The following KLHL12 variants were observed in gnomAD, a reference collection of about 807,000 sequenced individuals.
KLHL12 encodes kelch-like protein 12.
KLHL12 carries 17 observed loss-of-function variants against 60.8 expected under a neutral mutation model. The ratio of observed to expected loss-of-function variants is 0.28; its 90% CI spans 0.19 to 0.42. The LOEUF (loss-of-function observed/expected upper bound fraction) is 0.42, where lower values mean the gene tolerates loss of function less well. KLHL12 is among the 10% of genes least tolerant of loss of function. The pLI, the probability that KLHL12 is intolerant of heterozygous loss-of-function variation, is 1.00. For synonymous variants in KLHL12, 220 were observed against 250.9 expected, an observed-to-expected ratio of 0.88 and a Z score of 1.16; for missense variants, 468 against 722.3, an observed-to-expected ratio of 0.65 and a Z score of 4.04.
intron 1 of KLHL12, among the ~76,000 whole-genome samples, chr1:202,925,524 T>C (rs2102464311): frequency 6.6e-6 from 1 of 152,328 alleles, no homozygotes; most frequent in East Asian, 1.9e-4. Flanking sequence ...TTGTCTCAAA[T>C]GATAAACCGA....
At chr1:202,920,521 C>T (rs559347686) in intron 2 of KLHL12, among the ~76,000 whole-genome samples, 10 of 151,028 alleles carry the variant, frequency 6.6e-5, no homozygotes, top group African/African-American at 2.2e-4. Flanking sequence ...GGACTACAGG[C>T]GCCCGCCACC....
intron 6 of KLHL12, among the ~76,000 whole-genome samples, chr1:202,907,824 C>A (rs1274177530): frequency 6.6e-6 from 1 of 151,652 alleles, no homozygotes; most frequent in African/African-American, 2.4e-5. Context: ...GGGAAGACTG[C>A]TTGAGTCCAG....
intron 6 of KLHL12, among the ~76,000 whole-genome samples, chr1:202,902,847 C>T (rs1660052755): frequency 1.3e-5 from 2 of 152,018 alleles, no homozygotes; most frequent in African/African-American, 4.8e-5. Context: ...AAAAATTAGC[C>T]AGGTCTGGTG....
At chr1:202,894,090 T>C (rs1440222247) in intron 10 of KLHL12, 94 bp downstream of exon 10, 1 of 668,806 alleles carries the variant, frequency 1.5e-6, no homozygotes, top group African/African-American at 1.8e-5. Context: ...ATCTCATTTT[T>C]ACATTAATCT....
chr1:202,921,762 G>GA (rs975338672), intron 2 of KLHL12, among the ~76,000 whole-genome samples: 2 of 152,040 alleles, frequency 1.3e-5, no homozygotes, highest in African/African-American at 4.8e-5. Flanking sequence ...AATTTTACTA[G>GA]ATCTTAATCT....
intron 11 of KLHL12, 93 bp from the exon 12 acceptor site, chr1:202,892,752 G>C: frequency 4.3e-6 from 6 of 1,385,252 alleles, no homozygotes; most frequent in Non-Finnish European, 6.0e-6. Context: ...TGAGGTAAGA[G>C]GATTGCTTAA....
chr1:202,894,774 A>G (rs1659781257), intron 8 of KLHL12, 25 bp from the exon 9 acceptor site: 2 of 1,588,366 alleles, frequency 1.3e-6, no homozygotes, highest in African/African-American at 2.7e-5. Flanking sequence ...CAAATTACAG[A>G]CTATTAGAGA....
At chr1:202,919,665 C>T (rs563604446) in intron 3 of KLHL12, 90 bp downstream of exon 3, 2 of 1,275,024 alleles carry the variant, frequency 1.6e-6, no homozygotes, top group African/African-American at 1.5e-5. Flanking sequence ...AGTTTGTCTC[C>T]AAAATGTTCA....
At position 202,894,266 on chromosome 1, in the gene KLHL12, C is replaced by T. The variant is rs1322614414; in HGVS notation, c.1311G>A (p.Leu437=). 6.4e-7 allele frequency: 1 copy of T among 1,554,434 alleles called. No homozygotes were observed. Among genetic ancestry groups the T allele is most frequent in the Non-Finnish European group, 8.7e-7 (1 of 1,147,202 alleles). The part of the protein sequence containing the change: ...VIYCLGGYDG[L]NILNSVEKYD... Reference sequence around the variant, plus strand: ...ATTTCTCAACTGAATTTAAGATATTCAAGCCGTCATATCCTCCTGGAAGAC... The same window carrying T: ...ATTTCTCAACTGAATTTAAGATATTTAAGCCGTCATATCCTCCTGGAAGAC... The change falls in exon 10 of 12, where the codon TTG becomes TTA. Residue 437 remains leucine, a synonymous_variant. Transcript: ENST00000367261.
chr1:202,917,197 CT>C (rs1024465525), intron 4 of KLHL12, among the ~76,000 whole-genome samples: 2 of 152,262 alleles, frequency 1.3e-5, no homozygotes, highest in South Asian at 4.1e-4. Context: ...TAGTATCCCC[CT>C]GGTAGGTGAA....
upstream of KLHL12, chr1:202,927,374 G>A: frequency 1.5e-6 from 1 of 672,804 alleles, no homozygotes; most frequent in African/African-American, 2.0e-5. Context: ...ACGCTGCTAG[G>A]AAGCCGAATT....
intron 6 of KLHL12, among the ~76,000 whole-genome samples, chr1:202,897,228 CTTTTTTTTTTT>C (rs11305071): frequency 3.6e-5 from 3 of 82,262 alleles, no homozygotes; most frequent in African/African-American, 1.3e-4. Context: ...ATTTCTTTTT[CTTTTTTTTTTT>C]TTTTTTTTTT....
chr1:202,894,235 G>A lies in KLHL12; in HGVS notation c.1342C>T (p.Pro448Ser), dbSNP rs1332765368. The A allele has an allele frequency of 1.9e-6, 3 of 1,558,242 alleles. No homozygotes were observed. In the East Asian group the frequency reaches 7.1e-5, roughly 37 times the overall value. Reference protein sequence around the residue: ...NILNSVEKYDPHTGHWTNVTP... With the variant: ...NILNSVEKYDSHTGHWTNVTP... ...ACATTAGTCCAATGTCCTGTATGAG[G>A]GTCGTATTTCTCAACTGAATTTAAG... Residue 448 changes from proline to serine, a missense_variant, in exon 10 of 12, where the codon CCT becomes TCT. By Grantham distance (74) the Pro-to-Ser change is moderately conservative. Coordinates refer to ENST00000367261, the MANE Select transcript of KLHL12 (RefSeq NM_021633.4).
Position 202,892,448 on chromosome 1 carries a change from AC to A in KLHL12, c.*84del, listed in dbSNP as rs1659705073. ...AATCACCCGGTGCACATAGTGAGAA[AC>A]AGACATTCTGGAAAGGATTTTTGAT... On this transcript the variant is annotated 3_prime_UTR_variant, in exon 12 of 12. Transcript: ENST00000367261. 6.7e-7 allele frequency: 1 copy of A among 1,501,592 alleles called. No homozygotes were observed. The highest frequency in any genetic ancestry group is 1.2e-5 in the South Asian group (1 of 82,942). 93.0% of individuals were successfully genotyped at this position (1,501,592 alleles called of 1,614,324 possible). A position where few individuals can be genotyped will look rare whatever the true frequency, so the allele number is the denominator to read the frequency against.
chr1:202,907,662 T>C (rs1383550232), intron 6 of KLHL12, among the ~76,000 whole-genome samples: 1 of 150,964 alleles, frequency 6.6e-6, no homozygotes, highest in Non-Finnish European at 1.5e-5. Flanking sequence ...TCCCAGCACT[T>C]TGGGAGGCCA....
At chr1:202,897,702 A>T (rs1435401383) in intron 6 of KLHL12, among the ~76,000 whole-genome samples, 1 of 152,178 alleles carries the variant, frequency 6.6e-6, no homozygotes, top group Non-Finnish European at 1.5e-5. Context: ...CTACATGTTG[A>T]AACTTAGGAT....
rs1659783080 is a variant in KLHL12 at position 202,894,860 on chromosome 1, T to G, written c.1136-111A>C. 6.1e-6 allele frequency: 5 copies of G among 818,710 alleles called. No homozygotes were observed. The Admixed American group carries it at 1.1e-4, about 18-fold the overall frequency. The allele number at this position is 818,710 out of a possible 1,614,324, so 50.7% of individuals were successfully genotyped here. On this transcript the variant is annotated intron_variant, in intron 8 of 11. Coordinates refer to ENST00000367261, the MANE Select transcript of KLHL12 (RefSeq NM_021633.4). ...TAAAAGTCTGAGAGCAAAAACAAAG[T>G]ATTTTTAAATGAGATAAGTCAATTA...
Position 202,895,830 on chromosome 1 carries a change from A to ATCATGAACCCTCCTTAAGTGGT in KLHL12, c.940-135_940-114dup. ...ACACCTCTCTGCTTCTTCACCTGTC[A>ATCATGAACCCTCCTTAAGTGGT]TCATGAACCCTCCTTAAGTGGTTCA... is the stretch of plus-strand genomic sequence containing the variant. On this transcript the variant is annotated intron_variant, in intron 7 of 11. Coordinates refer to ENST00000367261, the MANE Select transcript of KLHL12 (RefSeq NM_021633.4). The surrounding 1 kb of genome is among the most constrained non-coding windows in gnomAD (Gnocchi z 4.2). 4 of 761,224 alleles carry ATCATGAACCCTCCTTAAGTGGT rather than the reference A, an allele frequency of 5.3e-6. No homozygotes were observed. The South Asian group carries it at 7.2e-5, about 14-fold the overall frequency. The allele number at this position is 761,224 out of a possible 1,614,324, so 47.2% of individuals were successfully genotyped here.
rs1660284202 is a variant in KLHL12, at chr1:202,909,212, TGACTACA to T, written c.718-95_718-89del. ...AGAGCACATGCAAATAATTAACTTC[TGACTACA>T]GAAAACCAGTTTGCAAAGCCCTGTG... On this transcript the variant is annotated intron_variant, in intron 5 of 11. Transcript: ENST00000367261. This position sits in a 1 kb window ranked among gnomAD's most constrained non-coding sequence, Gnocchi z 4.1. The T allele has an allele frequency of 3.6e-6, 3 of 824,530 alleles. No homozygotes were observed. The East Asian group carries it at 8.1e-5, about 22-fold the overall frequency. The allele number at this position is 824,530 out of a possible 1,614,324, so 51.1% of individuals were successfully genotyped here. A position where few individuals can be genotyped will look rare whatever the true frequency, so the allele number is the denominator to read the frequency against.
Sources: allele counts gnomAD v4.1 joint callset (sites outside exome capture counted in the v4.1 genomes callset), GRCh38; gene constraint gnomAD v4.1.1; non-coding constraint Gnocchi (gnomAD v3.1); transcripts MANE v1.5; gene names NCBI Gene and HGNC (gene_info 2026-07-23, HGNC 2026-07-21).